RAB28: variants seen among roughly 807,000 people sequenced by gnomAD.
The protein encoded by RAB28 is ras-related protein Rab-28.
RAB28 carries 24 observed loss-of-function variants against 31.7 expected under a neutral mutation model. The observed-to-expected ratio is 0.76, with a 90% CI of 0.55 to 1.06. RAB28 has a LOEUF of 1.06. Ranked by LOEUF, RAB28 falls within the 50% of genes least tolerant of loss-of-function variation. RAB28 has a pLI of 0.00. For synonymous variants in RAB28, 100 were observed against 90.4 expected (o/e 1.11, Z -0.60); for missense variants, 254 against 258.5 (o/e 0.98, Z 0.12).
At chr4:13,389,927 T>C (rs761461374) in intron 4 of RAB28, among the ~76,000 whole-genome samples, 4 of 152,092 alleles carry the variant, frequency 2.6e-5, no homozygotes, top group Non-Finnish European at 5.9e-5. Flanking sequence ...TAAGAGCTAT[T>C]TATGACAAAC....
intron 5 of RAB28, among the ~76,000 whole-genome samples, chr4:13,379,597 G>C (rs1729051945): frequency 6.6e-6 from 1 of 152,126 alleles, no homozygotes; most frequent in Non-Finnish European, 1.5e-5. Context: ...GGTCTTGCTA[G>C]GGTTGAGAAT....
At chr4:13,423,646 A>T (rs1713305947) in intron 4 of RAB28, among the ~76,000 whole-genome samples, 1 of 152,182 alleles carries the variant, frequency 6.6e-6, no homozygotes, top group Non-Finnish European at 1.5e-5. Context: ...GGGACAGTTG[A>T]TGAGCTTCAA....
At chr4:13,458,271 G>C (rs1005827983) in intron 4 of RAB28, among the ~76,000 whole-genome samples, 1 of 151,654 alleles carries the variant, frequency 6.6e-6, no homozygotes, top group East Asian at 1.9e-4. Context: ...ACTCCTCAGA[G>C]AAATGACATT....
Position 13,387,512 on chromosome 4 carries a change from A to G in RAB28, c.392-5918T>C, listed in dbSNP as rs183771138. On this transcript the variant is annotated intron_variant, in intron 4 of 6. Transcript: ENST00000330852. The stretch of plus-strand genomic sequence containing the variant: ...GAAAATAGTACAAAAACAAAAATCC[A>G]TACCTCATTGTCAACACATTTTGTT... 8.3e-4 allele frequency among the ~76,000 whole-genome samples: 126 copies of G among 152,172 alleles called. 1 individual carries two copies. Among genetic ancestry groups the G allele is most frequent in the Non-Finnish European group, 1.6e-4 (11 of 67,908 alleles).
intron 4 of RAB28, among the ~76,000 whole-genome samples, chr4:13,451,880 T>C (rs535756483): frequency 1.3e-5 from 2 of 152,140 alleles, no homozygotes; most frequent in Non-Finnish European, 2.9e-5. Flanking sequence ...GAACATTTGT[T>C]AAAAGTTAAT....
In RAB28 at chr4:13,469,802, T is replaced by C. The variant is rs192291145; in HGVS notation, c.261+4516A>G. Among the ~76,000 whole-genome samples, 108 of 152,038 alleles carry C rather than the reference T, an allele frequency of 7.1e-4. 1 individual carries two copies. Among genetic ancestry groups the C allele is most frequent in the African/African-American group, 2.5e-3 (103 of 41,500 alleles). ...CTCCTGGACTCAAATAATCCTCCCA[T>C]CTCAGCCTCTCTAGTAGCTAGGACT... On this transcript the variant is annotated intron_variant, in intron 3 of 6. Coordinates refer to ENST00000330852, the MANE Select transcript of RAB28 (RefSeq NM_001017979.3).
intron 4 of RAB28, among the ~76,000 whole-genome samples, chr4:13,415,989 G>A (rs959404407): frequency 4.6e-5 from 7 of 152,102 alleles, no homozygotes; most frequent in African/African-American, 7.2e-5. Context: ...TGTACCAATC[G>A]ACACTCTGTA....
At chr4:13,460,896 C>T (rs73817403) in intron 3 of RAB28, 68 bp from the exon 4 acceptor site, 26 of 1,436,708 alleles carry the variant, frequency 1.8e-5, no homozygotes, top group Admixed American at 3.8e-5. Flanking sequence ...TGAATACTTG[C>T]GTAATGCTTC....
In RAB28 at chr4:13,460,809, T is replaced by A; in HGVS notation, c.281A>T (p.Asp94Val). The A allele has an allele frequency of 6.2e-7, 1 of 1,613,048 alleles. No homozygotes were observed. The highest frequency in any genetic ancestry group is 8.5e-7 in the Non-Finnish European group (1 of 1,179,216). Residue 94 changes from aspartate to valine, a missense_variant, in exon 4 of 7, where the codon GAT becomes GTT. Coordinates refer to ENST00000330852, the MANE Select transcript of RAB28 (RefSeq NM_001017979.3). ...CTCAAAGCTTTGATAATTTGTAATA[T>A]CATATACCAAGAGGACTCCCTGTCA... Reference protein sequence around the residue: ...YGAQGVLLVYDITNYQSFENL... With the variant: ...YGAQGVLLVYVITNYQSFENL...
At chr4:13,470,104 C>G (rs976485781) in intron 3 of RAB28, among the ~76,000 whole-genome samples, 1 of 152,108 alleles carries the variant, frequency 6.6e-6, no homozygotes, top group Non-Finnish European at 1.5e-5. Context: ...ACAGTACACA[C>G]ACTATTTAAC....
At chr4:13,447,381 C>A (rs959489472) in intron 4 of RAB28, among the ~76,000 whole-genome samples, 16 of 152,182 alleles carry the variant, frequency 1.1e-4, no homozygotes, top group East Asian at 5.8e-4. Flanking sequence ...CTCTTTATAT[C>A]TTAAAGAGCC....
intron 6 of RAB28, chr4:13,369,784 C>T: frequency 8.1e-7 from 1 of 1,230,552 alleles, no homozygotes; most frequent in Non-Finnish European, 1.1e-6. Context: ...TCTGAACTTC[C>T]CTATTCATAG....
intron 4 of RAB28, among the ~76,000 whole-genome samples, chr4:13,443,883 G>A (rs1714548856): frequency 6.6e-6 from 1 of 151,940 alleles, no homozygotes; most frequent in South Asian, 2.1e-4. Flanking sequence ...TCTATTCTTT[G>A]TTTCTAAGAG....
At chr4:13,382,379 T>A (rs532320794) in intron 4 of RAB28, among the ~76,000 whole-genome samples, 12 of 152,140 alleles carry the variant, frequency 7.9e-5, no homozygotes, top group African/African-American at 2.6e-4. Context: ...ATAAGGCAAA[T>A]ATATTCACAG....
intron 4 of RAB28, among the ~76,000 whole-genome samples, chr4:13,458,287 C>CT (rs1158133349): frequency 2.6e-5 from 4 of 151,582 alleles, no homozygotes; most frequent in African/African-American, 9.7e-5. Context: ...ACATTCACAC[C>CT]TGTGTCATCA....
rs780929750 is a variant in RAB28, at chr4:13,368,584, T to C, written c.640A>G (p.Arg214Gly). The part of the protein sequence containing the change: ...EPMSRTVNPP[R>G]SSMCAVQ ...CACTGAACTGCACACATAGAGCTTC[T>C]AGGAGGGTTAACAGTCCTTGACATA... Residue 214 changes from arginine (R) to glycine (G), a missense_variant, in exon 7 of 7, where the codon AGA (arginine) becomes GGA (glycine). Arg to Gly is a moderately radical substitution (Grantham distance 125). Transcript: ENST00000330852. 23 of 1,612,308 alleles carry C rather than the reference T, an allele frequency of 1.4e-5. No individual in the cohort carries two copies. The highest frequency in any genetic ancestry group is 8.4e-5 in the Admixed American group (5 of 59,820).
chr4:13,461,943 T>C (rs1226571516), intron 3 of RAB28, among the ~76,000 whole-genome samples: 1 of 152,172 alleles, frequency 6.6e-6, no homozygotes, highest in East Asian at 1.9e-4. Context: ...TTTTAAACAA[T>C]AAACAGAGGT....
At chr4:13,459,745 C>A in intron 4 of RAB28, 19 of 1,054,262 alleles carry the variant, frequency 1.8e-5, no homozygotes, top group Non-Finnish European at 2.2e-5. Flanking sequence ...TTATAAGAGA[C>A]AGGAGCAAGA....
chr4:13,465,473 A>C (rs570663702), intron 3 of RAB28, among the ~76,000 whole-genome samples: 4 of 152,006 alleles, frequency 2.6e-5, no homozygotes, highest in Non-Finnish European at 5.9e-5. Context: ...AACCATGCAA[A>C]TAAGAAGAGA....
Sources: allele counts gnomAD v4.1 joint callset (sites outside exome capture counted in the v4.1 genomes callset), GRCh38; gene constraint gnomAD v4.1.1; transcripts MANE v1.5; gene names NCBI Gene and HGNC (gene_info 2026-07-23, HGNC 2026-07-21).